Variants in MROH9 observed in about 807,000 individuals in gnomAD.
MROH9 encodes the protein maestro heat like repeat family member 9.
A neutral mutation model predicts 98.2 loss-of-function variants in MROH9; 92 were observed. The ratio of observed to expected loss-of-function variants is 0.94; its 90% confidence interval spans 0.79 to 1.11. The LOEUF (loss-of-function observed/expected upper bound fraction) is 1.11, where lower values mean the gene tolerates loss of function less well. Among genes scored for constraint, MROH9 ranks in the 50% most tolerant of loss-of-function variants. The probability of loss-of-function intolerance (pLI) is 0.00; values close to 1 mark genes in which losing one functional copy is unlikely to be tolerated. For synonymous variants in MROH9, 397 were observed against 368.9 expected (o/e 1.08, Z -0.87); for missense variants, 1,057 against 1,014.8 (o/e 1.04, Z -0.57).
At chr1:171,042,685 C>A (rs140039798) in intron 20 of MROH9, among the ~76,000 whole-genome samples, 131 of 152,000 alleles carry the variant, frequency 8.6e-4, no homozygotes, top group African/African-American at 3.0e-3. Context: ...CCATCTTATC[C>A]GGGGTGACAG....
chr1:171,019,812 A>C (rs1319291673), intron 17 of MROH9, among the ~76,000 whole-genome samples: 1 of 152,200 alleles, frequency 6.6e-6, no homozygotes, highest in African/African-American at 2.4e-5. Context: ...ACTCTTCAAA[A>C]AATCAACAAA....
chr1:171,055,147 G>A (rs917170515), intron 20 of MROH9, among the ~76,000 whole-genome samples: 1 of 152,116 alleles, frequency 6.6e-6, no homozygotes, highest in Non-Finnish European at 1.5e-5. Flanking sequence ...AAAGAAAATG[G>A]GGTGTATATA....
chr1:170,960,934 T>A (rs1649992775), intron 5 of MROH9, among the ~76,000 whole-genome samples: 2 of 152,156 alleles, frequency 1.3e-5, no homozygotes, highest in Admixed American at 1.3e-4. Context: ...TGGCCTGAAT[T>A]ATATTTAAAT....
chr1:171,038,326 T>C (rs1311632323), intron 20 of MROH9, among the ~76,000 whole-genome samples: 1 of 152,178 alleles, frequency 6.6e-6, no homozygotes, highest in Non-Finnish European at 1.5e-5. Context: ...TCCATTGAGT[T>C]GACAAAGATG....
chr1:171,015,561 T>C (rs1246600741), intron 16 of MROH9, among the ~76,000 whole-genome samples: 1 of 152,194 alleles, frequency 6.6e-6, no homozygotes, highest in Non-Finnish European at 1.5e-5. Flanking sequence ...TGGTGTCTCC[T>C]TTTCGTGTTT....
chr1:170,938,230 G>A (rs1233322558), intron 1 of MROH9, among the ~76,000 whole-genome samples: 1 of 152,142 alleles, frequency 6.6e-6, no homozygotes, highest in Non-Finnish European at 1.5e-5. Flanking sequence ...CGTGTCCCCT[G>A]ATGGAAGAAT....
intron 6 of MROH9, among the ~76,000 whole-genome samples, chr1:170,964,225 A>G (rs997174420): frequency 2.6e-5 from 4 of 152,096 alleles, no homozygotes; most frequent in African/African-American, 4.8e-5. Flanking sequence ...ATATAATGCT[A>G]ATGTGTGGAG....
At position 170,987,190 on chromosome 1, in the gene MROH9, C is replaced by T. The variant is rs117610185; in HGVS notation, c.879+480C>T. ...TTTTGTGTGAAATATTTCAAGCATA[C>T]GAACAATTTTAGAGAGTAAGTAATG... On this transcript the variant is annotated intron_variant, in intron 10 of 21. Coordinates refer to ENST00000367759, the MANE Select transcript of MROH9 (RefSeq NM_001163629.2). 1.2e-3 allele frequency among the ~76,000 whole-genome samples: 180 copies of T among 152,170 alleles called. 1 individual carries two copies. Among genetic ancestry groups the T allele is most frequent in the East Asian group, 2.5e-3 (13 of 5,172 alleles).
chr1:171,002,108 C>A (rs1651804078), intron 15 of MROH9, among the ~76,000 whole-genome samples: 1 of 152,044 alleles, frequency 6.6e-6, no homozygotes, highest in South Asian at 2.1e-4. Flanking sequence ...TTTTCCATGC[C>A]TTTACTTTAA....
At chr1:170,943,593 A>C (rs978706326) in intron 1 of MROH9, among the ~76,000 whole-genome samples, 1 of 151,976 alleles carries the variant, frequency 6.6e-6, no homozygotes, top group Non-Finnish European at 1.5e-5. Flanking sequence ...TCAAAAATAA[A>C]CAAGGAATCC....
At chr1:171,040,236 G>T (rs1296237202) in intron 20 of MROH9, among the ~76,000 whole-genome samples, 1 of 151,986 alleles carries the variant, frequency 6.6e-6, no homozygotes, top group African/African-American at 2.4e-5. Context: ...TAAATCAAAG[G>T]GTATATACAT....
chr1:171,061,734 T>A (rs760806584), intron 20 of MROH9, among the ~76,000 whole-genome samples: 3 of 152,172 alleles, frequency 2.0e-5, no homozygotes, highest in Non-Finnish European at 2.9e-5. Context: ...TATTGCTACA[T>A]GAAAGAACAT....
intron 6 of MROH9, among the ~76,000 whole-genome samples, 189 bp from the exon 7 acceptor site, chr1:170,964,962 C>T (rs1249800210): frequency 6.6e-6 from 1 of 151,876 alleles, no homozygotes; most frequent in Admixed American, 6.6e-5. Context: ...AACCCAGATA[C>T]AGTTTCCATA....
In MROH9 at chr1:171,064,139, A is replaced by G; in HGVS notation, c.2385A>G (p.Lys795=). The G allele has an allele frequency of 1.3e-6, 2 of 1,550,554 alleles. No individual in the cohort carries two copies. Among genetic ancestry groups the G allele is most frequent in the East Asian group, 2.4e-5 (1 of 40,898 alleles). Residue 795 remains lysine, a synonymous_variant, in exon 22 of 22, where the codon AAA becomes AAG. Transcript: ENST00000367759. ...TCCGAGATGAAGACCCTATGATCAA[A>G]CAGTTGGCTGAAATAACCTATGATA... is the stretch of plus-strand genomic sequence containing the variant. ...RLLRDEDPMI[K]QLAEITYDIF...
At chr1:170,964,393 T>A (rs1397274255) in intron 6 of MROH9, among the ~76,000 whole-genome samples, 1 of 152,006 alleles carries the variant, frequency 6.6e-6, no homozygotes, top group East Asian at 1.9e-4. Context: ...CTCTTTCACC[T>A]TAGGAAATAG....
intron 8 of MROH9, among the ~76,000 whole-genome samples, chr1:170,973,084 C>G (rs1650529495): frequency 6.6e-6 from 1 of 151,332 alleles, no homozygotes. Flanking sequence ...GCCAGGGTAC[C>G]AGAACGGAGT....
At chr1:170,942,402 CA>C (rs1220511969) in intron 1 of MROH9, among the ~76,000 whole-genome samples, 45 of 133,710 alleles carry the variant, frequency 3.4e-4, no homozygotes, top group Admixed American at 6.1e-4. Flanking sequence ...CACACACACA[CA>C]CACACACCCT....
chr1:170,945,048 T>G (rs1288474124), intron 1 of MROH9, among the ~76,000 whole-genome samples: 1 of 151,736 alleles, frequency 6.6e-6, no homozygotes, highest in Non-Finnish European at 1.5e-5. Context: ...GGTCTGGAGG[T>G]TGGAGACAGA....
intron 11 of MROH9, 29 bp from the exon 12 acceptor site, chr1:170,992,135 C>T (rs1427756977): frequency 3.2e-6 from 5 of 1,563,846 alleles, no homozygotes; most frequent in Non-Finnish European, 4.3e-6. Flanking sequence ...ACATGATTCT[C>T]ATTGTGTGGG....
Sources: allele counts gnomAD v4.1 joint callset (sites outside exome capture counted in the v4.1 genomes callset), GRCh38; gene constraint gnomAD v4.1.1; transcripts MANE v1.5; gene names NCBI Gene and HGNC (gene_info 2026-07-23, HGNC 2026-07-21).